The following KDM4B variants were observed in gnomAD, a reference collection of about 807,000 sequenced individuals.
The protein encoded by KDM4B is lysine demethylase 4B, also known as lysine-specific demethylase 4B.
A neutral mutation model predicts 125.2 loss-of-function variants in KDM4B; 32 were observed. The observed-to-expected ratio is 0.26, with a 90% CI of 0.19 to 0.34. The LOEUF (loss-of-function observed/expected upper bound fraction) is 0.34, where lower values mean the gene tolerates loss of function less well. Among genes scored for constraint, KDM4B ranks in the 10% least tolerant of loss-of-function variants. KDM4B has a pLI of 1.00. For missense variants in KDM4B, 1,190 were observed against 1,577.7 expected (o/e 0.75, Z 4.16); for synonymous variants, 721 against 677.9 (o/e 1.06, Z -0.99).
chr19:5,090,025 CAAAA>C (rs547917188), intron 9 of KDM4B, among the ~76,000 whole-genome samples: 98 of 152,264 alleles, frequency 6.4e-4, no homozygotes, highest in Middle Eastern at 3.4e-3. Context: ...GGAAACAAGA[CAAAA>C]ACACAAAAAC....
chr19:5,045,533 G>A (rs1022739295), intron 5 of KDM4B, among the ~76,000 whole-genome samples: 4 of 151,778 alleles, frequency 2.6e-5, no homozygotes, highest in Non-Finnish European at 5.9e-5. Flanking sequence ...TTACATTACA[G>A]GCGCCCACCA....
At chr19:5,136,248 G>A (rs2039646483) in intron 15 of KDM4B, among the ~76,000 whole-genome samples, 1 of 152,234 alleles carries the variant, frequency 6.6e-6, no homozygotes, top group Non-Finnish European at 1.5e-5. Context: ...AGCGTGGTCA[G>A]GGCGTCTGAT....
chr19:5,098,146 C>T (rs1008995435), intron 9 of KDM4B, among the ~76,000 whole-genome samples: 3 of 152,208 alleles, frequency 2.0e-5, no homozygotes, highest in Admixed American at 6.5e-5. Flanking sequence ...GTGTAGCCTC[C>T]GTGGCAGCCT....
intron 6 of KDM4B, among the ~76,000 whole-genome samples, chr19:5,069,329 A>G (rs187281840): frequency 1.3e-5 from 2 of 151,816 alleles, no homozygotes; most frequent in Non-Finnish European, 2.9e-5. Flanking sequence ...TAATTTTTTG[A>G]GACAGAGTCT....
In KDM4B at chr19:5,141,804, A is replaced by G. The variant is rs2039748949; in HGVS notation, c.2551-2163A>G. On this transcript the variant is annotated intron_variant, in intron 18 of 22. Transcript: ENST00000159111. The surrounding 1 kb of genome is among the most constrained non-coding windows in gnomAD (Gnocchi z 6.4). ...ACCGGCTGGGCAGGTTCCTGGCAGC[A>G]GGCAAAAGCACCGGGAGCTCCCTGG... Among the ~76,000 whole-genome samples the G allele has an allele frequency of 6.6e-6, 1 of 152,086 alleles. No homozygotes were observed. The highest frequency in any genetic ancestry group is 1.5e-5 in the Non-Finnish European group (1 of 68,008).
At chr19:5,137,584 C>T (rs757135833) in intron 16 of KDM4B, 37 bp from the exon 17 acceptor site, 39 of 1,584,552 alleles carry the variant, frequency 2.5e-5, no homozygotes, top group Non-Finnish European at 2.7e-5. Flanking sequence ...GAGCCTGCTC[C>T]GAGCCCTGCT....
At chr19:4,979,843 C>A (rs1002288481) in intron 1 of KDM4B, among the ~76,000 whole-genome samples, 25 of 152,330 alleles carry the variant, frequency 1.6e-4, no homozygotes, top group African/African-American at 5.5e-4. Context: ...CGGCTCATGC[C>A]TGCAATCCTA....
intron 9 of KDM4B, among the ~76,000 whole-genome samples, chr19:5,091,721 G>C (rs2038709124): frequency 6.9e-6 from 1 of 143,934 alleles, no homozygotes; most frequent in South Asian, 2.5e-4. Context: ...GGGGGAGGGA[G>C]CCCAGGGGGA....
chr19:5,063,918 C>T (rs1329542097), intron 6 of KDM4B, among the ~76,000 whole-genome samples: 2 of 152,198 alleles, frequency 1.3e-5, no homozygotes, highest in South Asian at 2.1e-4. Context: ...TAGCTGGCTC[C>T]GGGACTGCAT....
At chr19:5,129,679 C>G (rs1433079718) in intron 11 of KDM4B, among the ~76,000 whole-genome samples, 1 of 152,210 alleles carries the variant, frequency 6.6e-6, no homozygotes, top group Non-Finnish European at 1.5e-5. Flanking sequence ...GCCCAAGAAT[C>G]CCTTGGATAT....
At chr19:4,976,654 A>T (rs559228011) in intron 1 of KDM4B, among the ~76,000 whole-genome samples, 1 of 152,198 alleles carries the variant, frequency 6.6e-6, no homozygotes, top group Non-Finnish European at 1.5e-5. Flanking sequence ...GGAGTCGCAG[A>T]TGGTGGTTTC....
intron 1 of KDM4B, among the ~76,000 whole-genome samples, chr19:4,992,763 T>G (rs994788606): frequency 5.9e-5 from 9 of 152,220 alleles, no homozygotes; most frequent in African/African-American, 2.2e-4. Flanking sequence ...CCTATAAGTT[T>G]TACTTTGTTG....
chr19:5,119,191 A>C, intron 10 of KDM4B: 1 of 1,535,372 alleles, frequency 6.5e-7, no homozygotes, highest in South Asian at 1.2e-5. Context: ...AGAAAGGAAG[A>C]AAGAGCAGAC....
chr19:5,046,633 G>A (rs1229573961), intron 5 of KDM4B, among the ~76,000 whole-genome samples: 5 of 152,196 alleles, frequency 3.3e-5, no homozygotes, highest in Admixed American at 2.0e-4. Context: ...GGGACAGGAC[G>A]GGGTTTGTTT....
At chr19:4,987,107 C>T (rs897460103) in intron 1 of KDM4B, among the ~76,000 whole-genome samples, 12 of 152,028 alleles carry the variant, frequency 7.9e-5, no homozygotes, top group South Asian at 2.1e-4. Flanking sequence ...CACAGGCGCC[C>T]GCCACTACGC....
At chr19:5,146,231 C>A (rs919211426) in intron 21 of KDM4B, among the ~76,000 whole-genome samples, 4 of 138,092 alleles carry the variant, frequency 2.9e-5, no homozygotes, top group Admixed American at 2.8e-4. Flanking sequence ...CACTGAGCAT[C>A]CAGGACCCCC....
chr19:5,057,404 A>G (rs1383620762), intron 6 of KDM4B, among the ~76,000 whole-genome samples: 1 of 152,116 alleles, frequency 6.6e-6, no homozygotes, highest in East Asian at 1.9e-4. Context: ...TCCCCACTGT[A>G]TGGCTGGACT....
chr19:4,984,881 C>T (rs2145343598), intron 1 of KDM4B, among the ~76,000 whole-genome samples: 2 of 152,252 alleles, frequency 1.3e-5, no homozygotes, highest in South Asian at 4.1e-4. Flanking sequence ...TCCGTGAAAC[C>T]CGAGGTCTCC....
At chr19:5,018,792 C>T (rs1005314616) in intron 2 of KDM4B, among the ~76,000 whole-genome samples, 7 of 152,240 alleles carry the variant, frequency 4.6e-5, no homozygotes, top group Admixed American at 6.5e-5. Flanking sequence ...CTGGACATCT[C>T]ATAGAAATGG....
Sources: gnomAD v4.1 joint callset for allele counts (sites outside exome capture counted in the v4.1 genomes callset) on GRCh38, gnomAD v4.1.1 for gene constraint, Gnocchi (gnomAD v3.1) non-coding constraint, MANE v1.5 for transcripts, NCBI Gene and HGNC (gene_info 2026-07-23, HGNC 2026-07-21) for gene names.